LYRM1: variants seen among roughly 807,000 people sequenced by gnomAD.
The protein encoded by LYRM1 is LYR motif containing 1, also known as LYR motif-containing protein 1.
LYRM1 carries 14 observed loss-of-function variants against 14.9 expected under a neutral mutation model. The ratio of observed to expected loss-of-function variants is 0.94; its 90% CI spans 0.62 to 1.47. The LOEUF (loss-of-function observed/expected upper bound fraction) is 1.47, where lower values mean the gene tolerates loss of function less well. Among genes scored for constraint, LYRM1 ranks in the 40% most tolerant of loss-of-function variants. LYRM1 has a pLI of 0.00. For synonymous variants in LYRM1, 43 were observed against 56.2 expected (o/e 0.77, Z 1.05); for missense variants, 153 against 149.9 (o/e 1.02, Z -0.11).
intron 3 of LYRM1, among the ~76,000 whole-genome samples, chr16:20,923,356 C>T (rs961234548): frequency 2.1e-4 from 32 of 151,784 alleles, no homozygotes; most frequent in African/African-American, 6.3e-4. Context: ...AAAAATTAGC[C>T]GGGCGTGGTG....
chr16:20,904,172 C>T (rs982426293), intron 1 of LYRM1, among the ~76,000 whole-genome samples: 1 of 152,002 alleles, frequency 6.6e-6, no homozygotes, highest in Non-Finnish European at 1.5e-5. Flanking sequence ...ATTGAGGGGC[C>T]CATAACTTTT....
chr16:20,906,815 C>T (rs1294554022), intron 1 of LYRM1, among the ~76,000 whole-genome samples: 1 of 152,176 alleles, frequency 6.6e-6, no homozygotes, highest in East Asian at 1.9e-4. Flanking sequence ...GCCCCTCATA[C>T]CAGCAGATCT....
intron 3 of LYRM1, among the ~76,000 whole-genome samples, chr16:20,923,356 C>G (rs961234548): frequency 1.3e-5 from 2 of 151,784 alleles, no homozygotes; most frequent in African/African-American, 4.8e-5. Flanking sequence ...AAAAATTAGC[C>G]GGGCGTGGTG....
At chr16:20,915,967 G>T (rs2082872461) in intron 2 of LYRM1, among the ~76,000 whole-genome samples, 1 of 152,160 alleles carries the variant, frequency 6.6e-6, no homozygotes, top group African/African-American at 2.4e-5. Context: ...CTATGAGCCA[G>T]GTGACATGAG....
chr16:20,915,477 AC>A, intron 1 of LYRM1, 78 bp from the exon 2 acceptor site: 38 of 1,333,950 alleles, frequency 2.8e-5, no homozygotes, highest in Non-Finnish European at 3.8e-5. Context: ...AAAAAAAAAA[AC>A]TGTACATCTG....
intron 2 of LYRM1, among the ~76,000 whole-genome samples, chr16:20,918,803 A>G (rs1218721493): frequency 6.6e-6 from 1 of 152,242 alleles, no homozygotes; most frequent in East Asian, 1.9e-4. Flanking sequence ...CTCTTTTCCA[A>G]CACAGACAGC....
chr16:20,923,422 C>A, intron 3 of LYRM1, among the ~76,000 whole-genome samples: 1 of 148,574 alleles, frequency 6.7e-6, no homozygotes, highest in East Asian at 2.0e-4. Flanking sequence ...TCACTTGAAC[C>A]TGGGAGGCCG....
chr16:20,900,895 T>A lies in LYRM1; in HGVS notation c.-1+6T>A, dbSNP rs2082006203. On this transcript the variant is annotated splice_donor_region_variant and intron_variant, in intron 1 of 3. Transcript: ENST00000567954. The stretch of plus-strand genomic sequence containing the variant: ...GAAGGCAGGACTGACGCAGAGTGAG[T>A]GTAGGGGATGGAGGCGCCGACTCCA... 1 of 151,594 alleles carries A rather than the reference T, an allele frequency of 6.6e-6. No individual in the cohort carries two copies. The highest frequency in any genetic ancestry group is 1.5e-5 in the Non-Finnish European group (1 of 68,148). The allele number at this position is 151,594 out of a possible 1,614,324, so 9.4% of individuals were successfully genotyped here. A position where few individuals can be genotyped will look rare whatever the true frequency, so the allele number is the denominator to read the frequency against.
chr16:20,911,750 G>A (rs1201932812), intron 1 of LYRM1, among the ~76,000 whole-genome samples: 3 of 151,996 alleles, frequency 2.0e-5, no homozygotes. Flanking sequence ...AGGAGAGGGG[G>A]GGCTGAAATA....
chr16:20,914,465 TTTTTTTTTTGTA>T (rs1384081500), intron 1 of LYRM1, among the ~76,000 whole-genome samples: 1 of 150,324 alleles, frequency 6.7e-6, no homozygotes, highest in African/African-American at 2.4e-5. Context: ...ATTTTTTTTT[TTTTTTTTTTGTA>T]TTTTAGTAGA....
intron 1 of LYRM1, among the ~76,000 whole-genome samples, chr16:20,910,774 T>TAA (rs1167144860): frequency 6.9e-6 from 1 of 144,898 alleles, no homozygotes; most frequent in East Asian, 2.0e-4. Flanking sequence ...ACCCTGCCTC[T>TAA]AAAAAAAAAA....
intron 1 of LYRM1, among the ~76,000 whole-genome samples, chr16:20,905,539 A>G (rs1366202623): frequency 4.6e-5 from 7 of 152,198 alleles, no homozygotes; most frequent in Admixed American, 2.6e-4. Context: ...TTTCCAAATG[A>G]TAGTTTTAAG....
At position 20,901,358 on chromosome 16, in the gene LYRM1, GGA is replaced by G. The variant is rs959666346; in HGVS notation, c.-1+475_-1+476del. Among the ~76,000 whole-genome samples, 8 of 152,216 alleles carry G rather than the reference GGA, an allele frequency of 5.3e-5. No homozygotes were observed. Among genetic ancestry groups the G allele is most frequent in the African/African-American group, 1.2e-4 (5 of 41,444 alleles). On this transcript the variant is annotated intron_variant, in intron 1 of 3. Coordinates refer to ENST00000567954, the MANE Select transcript of LYRM1 (RefSeq NM_001128302.3). This position sits in a 1 kb window ranked among gnomAD's most constrained non-coding sequence, Gnocchi z 4.6. ...CTCCGTTACCTTCCATTCGTGTGCA[GGA>G]GAGAGTTAAGTAAATCAATAAAGAA...
intron 2 of LYRM1, among the ~76,000 whole-genome samples, chr16:20,916,016 A>G (rs1432199471): frequency 6.6e-6 from 1 of 152,174 alleles, no homozygotes; most frequent in Non-Finnish European, 1.5e-5. Context: ...CAGTCCTCAT[A>G]CTGTACCAGT....
At position 20,913,604 on chromosome 16, in the gene LYRM1, A is replaced by G. The variant is rs532786890; in HGVS notation, c.1-1952A>G. Among the ~76,000 whole-genome samples the G allele has an allele frequency of 3.3e-5, 5 of 152,166 alleles. No homozygotes were observed. The East Asian group carries it at 7.7e-4, about 23-fold the overall frequency. ...TGGGATTACAGGCATGAGCCACTGT[A>G]CCTGGCCTCTATATCTTTTTGTATC... On this transcript the variant is annotated intron_variant, in intron 1 of 3. Transcript: ENST00000567954.
chr16:20,906,488 G>A (rs1323308042), intron 1 of LYRM1, among the ~76,000 whole-genome samples: 1 of 152,194 alleles, frequency 6.6e-6, no homozygotes, highest in African/African-American at 2.4e-5. Context: ...ATTCCACCTA[G>A]GGGTAGGTCT....
chr16:20,920,296 G>C (rs771311550), intron 3 of LYRM1, 82 bp downstream of exon 3: 24 of 1,059,222 alleles, frequency 2.3e-5, no homozygotes, highest in Non-Finnish European at 3.4e-5. Context: ...ACAAGAGGGC[G>C]AGTGCTTGCT....
At chr16:20,914,455 ATTTT>A (rs35172104) in intron 1 of LYRM1, among the ~76,000 whole-genome samples, 2 of 132,226 alleles carry the variant, frequency 1.5e-5, no homozygotes, top group Non-Finnish European at 1.6e-5. Context: ...CACCTGGCTA[ATTTT>A]TTTTTTTTTT....
upstream of LYRM1, chr16:20,900,165 C>T (rs1465317558): frequency 7.5e-6 from 1 of 133,302 alleles, no homozygotes; most frequent in African/African-American, 2.8e-5. Context: ...TCAATGCCCC[C>T]CCGCCTTTTC....
Sources: gnomAD v4.1 joint callset for allele counts (sites outside exome capture counted in the v4.1 genomes callset) on GRCh38, gnomAD v4.1.1 for gene constraint, Gnocchi (gnomAD v3.1) non-coding constraint, MANE v1.5 for transcripts, NCBI Gene and HGNC (gene_info 2026-07-23, HGNC 2026-07-21) for gene names.